Variants in NTPCR observed in about 807,000 individuals in gnomAD.
NTPCR encodes cancer-related nucleoside-triphosphatase.
A neutral mutation model predicts 19.5 loss-of-function variants in NTPCR; 15 were observed. That is an observed-to-expected ratio of 0.77 (90% CI 0.51 to 1.18). The LOEUF (loss-of-function observed/expected upper bound fraction) is 1.18, where lower values mean the gene tolerates loss of function less well. Among genes scored for constraint, NTPCR ranks in the 50% most tolerant of loss-of-function variants. NTPCR has a pLI of 0.00. For synonymous variants in NTPCR, 90 were observed against 95.8 expected, an observed-to-expected ratio of 0.94 and a Z score of 0.36; for missense variants, 206 against 240.4, an observed-to-expected ratio of 0.86 and a Z score of 0.95.
intron 3 of NTPCR, among the ~76,000 whole-genome samples, chr1:232,959,838 A>G (rs571407052): frequency 6.6e-6 from 1 of 152,226 alleles, no homozygotes; most frequent in East Asian, 1.9e-4. Context: ...GTGTGTTTTA[A>G]TACTACAAAA....
rs41304123 is a variant in NTPCR, at chr1:232,976,347, G to T, written c.505-1816G>T. On this transcript the variant is annotated intron_variant, in intron 4 of 4. Coordinates refer to ENST00000366628, the MANE Select transcript of NTPCR (RefSeq NM_032324.3). ...CCTTGTTATTTACTCTGTAGTCACC[G>T]TACTGTGTCATAGAAGACCAGAGCA... 7 of 1,539,884 alleles carry T rather than the reference G, an allele frequency of 4.5e-6. No homozygotes were observed. In the East Asian group the frequency reaches 1.2e-4, roughly 27 times the overall value.
At chr1:232,953,732 A>T (rs1404114566) in intron 1 of NTPCR, among the ~76,000 whole-genome samples, 1 of 152,090 alleles carries the variant, frequency 6.6e-6, no homozygotes, top group Non-Finnish European at 1.5e-5. Flanking sequence ...GTAGACACGT[A>T]CTTGACCATT....
chr1:232,957,738 A>C (rs1429072882), intron 3 of NTPCR, among the ~76,000 whole-genome samples: 1 of 152,244 alleles, frequency 6.6e-6, no homozygotes, highest in Non-Finnish European at 1.5e-5. Flanking sequence ...CAAAACTGTT[A>C]GTCTAGTGGG....
In NTPCR at chr1:232,955,681, CA is replaced by C; in HGVS notation, c.160del (p.Thr54ArgfsTer14). On this transcript the variant is annotated frameshift_variant, in exon 2 of 5. Transcript: ENST00000366628. LOFTEE classifies it high-confidence loss of function. Reference protein sequence around the residue: ...GGRRIGFDVVTLSGTRGPLSR... With the variant: ...GGRRIGFDVVXLSGTRGPLSR... ...GGAGAAGAATAGGATTCGATGTCGT[CA>C]CGTTGTCCGGCACCCGGGGGCCTTT... The C allele has an allele frequency of 6.2e-7, 1 of 1,613,998 alleles. No homozygotes were observed. The highest frequency in any genetic ancestry group is 1.3e-5 in the African/African-American group (1 of 75,016).
chr1:232,969,783 T>G, intron 3 of NTPCR, 126 bp from the exon 4 acceptor site: 2 of 747,830 alleles, frequency 2.7e-6, no homozygotes, highest in Non-Finnish European at 4.4e-6. Flanking sequence ...TGCTGTCACT[T>G]TTTGAAATCC....
chr1:232,957,814 G>C (rs746128072), intron 3 of NTPCR, among the ~76,000 whole-genome samples: 1 of 152,144 alleles, frequency 6.6e-6, no homozygotes, highest in Admixed American at 6.6e-5. Context: ...AAAGAACAGG[G>C]TGCTATGAAA....
chr1:232,951,949 A>C (rs977554189), intron 1 of NTPCR, among the ~76,000 whole-genome samples: 3 of 152,102 alleles, frequency 2.0e-5, no homozygotes, highest in African/African-American at 7.2e-5. Context: ...TTATTAATGG[A>C]GGTGTCCTGT....
At chr1:232,963,459 G>A (rs1462478032) in intron 3 of NTPCR, 1 of 152,148 alleles carries the variant, frequency 6.6e-6, no homozygotes, top group Non-Finnish European at 1.5e-5. Flanking sequence ...AAAGTTGCAT[G>A]CTCCTTAAGT....
chr1:232,980,828 G>A lies in NTPCR; in HGVS notation c.*2597G>A, dbSNP rs755161275. The A allele has an allele frequency of 6.6e-6, 1 of 152,268 alleles. No individual in the cohort carries two copies. 9.4% of individuals were successfully genotyped at this position (152,268 alleles called of 1,614,324 possible). On this transcript the variant is annotated 3_prime_UTR_variant, in exon 5 of 5. Coordinates refer to ENST00000366628, the MANE Select transcript of NTPCR (RefSeq NM_032324.3). ...AGCGCCACCTCCCTGTCGGTGCCAC[G>A]GCTGAGGTGAGGAGCTCTTGCCGGA...
chr1:232,950,945 G>A (rs767439852), intron 1 of NTPCR: 47 of 552,168 alleles, frequency 8.5e-5, no homozygotes, highest in Non-Finnish European at 1.3e-4. Flanking sequence ...AGGGCCTAAA[G>A]GATTAGAACA....
intron 3 of NTPCR, among the ~76,000 whole-genome samples, chr1:232,960,499 G>C (rs1378587590): frequency 6.6e-6 from 1 of 151,624 alleles, no homozygotes; most frequent in Non-Finnish European, 1.5e-5. Context: ...GCCTGCCACC[G>C]CACCTGGCTA....
intron 3 of NTPCR, chr1:232,964,940 G>A (rs1668772205): frequency 6.6e-6 from 1 of 152,120 alleles, no homozygotes; most frequent in Admixed American, 6.5e-5. Context: ...GGACATATCA[G>A]GATACCTGGT....
intron 4 of NTPCR, among the ~76,000 whole-genome samples, chr1:232,972,935 A>G (rs1258398769): frequency 6.6e-6 from 1 of 152,184 alleles, no homozygotes; most frequent in African/African-American, 2.4e-5. Context: ...ATCTAGGGGC[A>G]GGGAAGGGAG....
At chr1:232,961,392 C>T (rs561081679) in intron 3 of NTPCR, among the ~76,000 whole-genome samples, 40 of 152,200 alleles carry the variant, frequency 2.6e-4, no homozygotes, top group African/African-American at 6.8e-4. Flanking sequence ...TGTCTTGCTG[C>T]GCTGTGCCAG....
In NTPCR at chr1:232,978,303, G is replaced by C; in HGVS notation, c.*72G>C. The C allele has an allele frequency of 7.9e-7, 1 of 1,261,408 alleles. No homozygotes were observed. Among genetic ancestry groups the C allele is most frequent in the Non-Finnish European group, 1.2e-6 (1 of 866,308 alleles). The allele number at this position is 1,261,408 out of a possible 1,614,324, so 78.1% of individuals were successfully genotyped here. A position where few individuals can be genotyped will look rare whatever the true frequency, so the allele number is the denominator to read the frequency against. On this transcript the variant is annotated 3_prime_UTR_variant, in exon 5 of 5. Transcript: ENST00000366628. ...GGAGCCTGATGGAGCCCTGCCTGTCGAGGCTGTATGCCTATGGGGTTATGG... is the reference window on the plus strand; with the variant it reads ...GGAGCCTGATGGAGCCCTGCCTGTCCAGGCTGTATGCCTATGGGGTTATGG...
chr1:232,976,179 G>A (rs1669117664), intron 4 of NTPCR: 1 of 677,084 alleles, frequency 1.5e-6, no homozygotes, highest in Admixed American at 4.0e-5. Flanking sequence ...CATATTTATG[G>A]GGTACAGTGT....
At chr1:232,959,632 A>G (rs940225445) in intron 3 of NTPCR, among the ~76,000 whole-genome samples, 1 of 152,184 alleles carries the variant, frequency 6.6e-6, no homozygotes, top group African/African-American at 2.4e-5. Context: ...TAAACACACC[A>G]TTTTTGATAC....
chr1:232,950,921 G>C (rs1668347579), intron 1 of NTPCR, 177 bp downstream of exon 1: 1 of 572,718 alleles, frequency 1.7e-6, no homozygotes, highest in Admixed American at 3.4e-5. Flanking sequence ...CGGAAAACGT[G>C]ATTTAAAAGA....
intron 4 of NTPCR, among the ~76,000 whole-genome samples, chr1:232,971,885 A>T (rs1264698089): frequency 6.6e-6 from 1 of 152,184 alleles, no homozygotes; most frequent in Non-Finnish European, 1.5e-5. Flanking sequence ...TTTGGTTGTG[A>T]TTATAGAGTT....
Sources: allele counts gnomAD v4.1 joint callset (sites outside exome capture counted in the v4.1 genomes callset), GRCh38; gene constraint gnomAD v4.1.1; transcripts MANE v1.5; gene names NCBI Gene and HGNC (gene_info 2026-07-23, HGNC 2026-07-21).